UBA52: variants seen among roughly 807,000 people sequenced by gnomAD.
The protein encoded by UBA52 is ubiquitin A-52 residue ribosomal protein fusion product 1.
A neutral mutation model predicts 15.3 loss-of-function variants in UBA52; 1 was observed. That is an observed-to-expected ratio of 0.07 (90% confidence interval 0.02 to 0.31). UBA52 has a LOEUF of 0.31. UBA52 is among the 10% of genes least tolerant of loss of function. UBA52 has a pLI of 1.00. For synonymous variants in UBA52, 50 were observed against 58.3 expected, an observed-to-expected ratio of 0.86 and a Z score of 0.65; for missense variants, 87 against 168.0, an observed-to-expected ratio of 0.52 and a Z score of 2.66.
In UBA52 at chr19:18,575,204, C is replaced by T. The variant is rs1410130147; in HGVS notation, c.*54C>T. ...CTGCCCAGGCCCCGTGGCCCTGGAG[C>T]CTCAATAAAGTGTCCCTTTCATTGA... On this transcript the variant is annotated 3_prime_UTR_variant, in exon 5 of 5. Transcript: ENST00000442744. 1 of 1,604,838 alleles carries T rather than the reference C, an allele frequency of 6.2e-7. No individual in the cohort carries two copies. Among genetic ancestry groups the T allele is most frequent in the Non-Finnish European group, 8.5e-7 (1 of 1,173,800 alleles).
intron 1 of UBA52, chr19:18,572,803 AGGAGAGAGGCT>A: frequency 9.9e-7 from 1 of 1,007,440 alleles, no homozygotes; most frequent in Admixed American, 5.2e-5. Context: ...GGAGTTAGAG[AGGAGAGAGGCT>A]GCGACAGGAA....
the UBA52 span, among the ~76,000 whole-genome samples, chr19:18,566,384 C>T: frequency 8.2e-6 from 1 of 122,390 alleles, no homozygotes; most frequent in Admixed American, 8.6e-5. Context: ...AGGAGAATGG[C>T]ATGAACCCAG....
Position 18,575,981 on chromosome 19 carries a change from T to G in UBA52, c.*831T>G, listed in dbSNP as rs541052038. 3 of 152,380 alleles carry G rather than the reference T, an allele frequency of 2.0e-5. No homozygotes were observed. Among genetic ancestry groups the G allele is most frequent in the Admixed American group, 1.3e-4 (2 of 15,284 alleles). The allele number at this position is 152,380 out of a possible 1,614,324, so 9.4% of individuals were successfully genotyped here. ...CAGGTTGGTCTCGATCTCCTGACCT[T>G]GTGATCCATTCGCCTTGGCCTCCCA... On this transcript the variant is annotated 3_prime_UTR_variant, in exon 5 of 5. Coordinates refer to ENST00000442744, the MANE Select transcript of UBA52 (RefSeq NM_001033930.3).
intron 3 of UBA52, 60 bp from the exon 4 acceptor site, chr19:18,574,810 C>T: frequency 6.3e-7 from 1 of 1,598,592 alleles, no homozygotes; most frequent in Non-Finnish European, 8.5e-7. Flanking sequence ...AGGGTCCTGC[C>T]CCTGTGACTG....
intron 3 of UBA52, among the ~76,000 whole-genome samples, chr19:18,574,142 G>T (rs1975654088): frequency 6.6e-6 from 1 of 151,520 alleles, no homozygotes; most frequent in Non-Finnish European, 1.5e-5. Flanking sequence ...AAATTAGCTA[G>T]GCATGGTGGT....
chr19:18,570,495 C>G (rs1975440526), upstream of UBA52, among the ~76,000 whole-genome samples: 1 of 150,222 alleles, frequency 6.7e-6, no homozygotes, highest in Non-Finnish European at 1.5e-5. Flanking sequence ...AACCACTGCA[C>G]CCGCCGTGGC....
At chr19:18,571,748 T>C (rs1975487084), upstream of UBA52, 1 of 152,194 alleles carries the variant, frequency 6.6e-6, no homozygotes, top group Admixed American at 6.5e-5. Context: ...GCATCCAAGA[T>C]GGCGGCAGGG....
the UBA52 span, among the ~76,000 whole-genome samples, chr19:18,566,656 G>A: frequency 6.6e-6 from 1 of 152,030 alleles, no homozygotes; most frequent in East Asian, 1.9e-4. Flanking sequence ...AGCTGAGCAT[G>A]GTGGCACGTG....
chr19:18,565,126 TTTA>T, the UBA52 span: 1 of 1,526,896 alleles, frequency 6.5e-7, no homozygotes, highest in Admixed American at 2.0e-5. Context: ...TTCTGTTTGT[TTTA>T]CAAGGCTTCA....
chr19:18,573,577 G>A, intron 2 of UBA52, 85 bp from the exon 3 acceptor site: 1 of 1,463,448 alleles, frequency 6.8e-7, no homozygotes, highest in Non-Finnish European at 9.5e-7. Flanking sequence ...TTGAGAAACT[G>A]GGGGTAGTGC....
At chr19:18,568,265 C>CAAA (rs397859705), upstream of UBA52, 76 of 501,658 alleles carry the variant, frequency 1.5e-4, no homozygotes, top group Middle Eastern at 5.0e-4. Context: ...AACTCCGTCT[C>CAAA]AAAAAAAAAA....
intron 3 of UBA52, among the ~76,000 whole-genome samples, 197 bp from the exon 4 acceptor site, chr19:18,574,673 G>C (rs1187138559): frequency 1.3e-5 from 2 of 152,222 alleles, no homozygotes; most frequent in East Asian, 3.8e-4. Flanking sequence ...CTCGTGGTCA[G>C]TGCTGAGATG....
chr19:18,574,419 G>A (rs1207980385), intron 3 of UBA52, among the ~76,000 whole-genome samples: 2 of 151,640 alleles, frequency 1.3e-5, no homozygotes, highest in Admixed American at 1.3e-4. Context: ...CTCCCGAGTA[G>A]CTGGGATTAC....
At position 18,575,187 on chromosome 19, in the gene UBA52, G is replaced by T; in HGVS notation, c.*37G>T. ...CCTTGAAGGGCAGCCTCCTGCCCAG[G>T]CCCCGTGGCCCTGGAGCCTCAATAA... On this transcript the variant is annotated 3_prime_UTR_variant, in exon 5 of 5. Transcript: ENST00000442744. 2 of 1,611,988 alleles carry T rather than the reference G, an allele frequency of 1.2e-6. No individual in the cohort carries two copies. The highest frequency in any genetic ancestry group is 1.7e-6 in the Non-Finnish European group (2 of 1,178,628).
chr19:18,568,610 C>G, upstream of UBA52: 3 of 1,611,678 alleles, frequency 1.9e-6, no homozygotes, highest in Non-Finnish European at 2.5e-6. Context: ...AGACAGATGA[C>G]GAGGAGATGA....
At chr19:18,567,477 G>T (rs535417652), upstream of UBA52, among the ~76,000 whole-genome samples, 5 of 152,206 alleles carry the variant, frequency 3.3e-5, no homozygotes, top group African/African-American at 7.2e-5. Context: ...ACAGAGCACG[G>T]GCTCATGTGA....
upstream of UBA52, chr19:18,567,266 A>G (rs1007327548): frequency 2.2e-6 from 3 of 1,353,352 alleles, no homozygotes; most frequent in African/African-American, 2.9e-5. Context: ...GGGGCCTGAT[A>G]CTGAGACCAG....
Position 18,575,304 on chromosome 19 carries a change from A to T in UBA52, c.*154A>T. On this transcript the variant is annotated 3_prime_UTR_variant, in exon 5 of 5. Coordinates refer to ENST00000442744, the MANE Select transcript of UBA52 (RefSeq NM_001033930.3). Reference sequence around the variant, plus strand: ...TGAAGAGTGGGCATCTCCCTTAGGGACTCTACTCAGCACTCCATTCTGTGC... The same window carrying T: ...TGAAGAGTGGGCATCTCCCTTAGGGTCTCTACTCAGCACTCCATTCTGTGC... 4.9e-6 allele frequency: 4 copies of T among 823,498 alleles called. No individual in the cohort carries two copies. The South Asian group carries it at 6.7e-5, about 14-fold the overall frequency. The allele number at this position is 823,498 out of a possible 1,614,324, so 51.0% of individuals were successfully genotyped here.
chr19:18,568,621 C>T (rs200331878), upstream of UBA52: 30 of 1,609,334 alleles, frequency 1.9e-5, no homozygotes, highest in African/African-American at 3.1e-4. Flanking sequence ...GAGGAGATGA[C>T]GGGCGAATAG....
Sources: gnomAD v4.1 joint callset for allele counts (sites outside exome capture counted in the v4.1 genomes callset) on GRCh38, gnomAD v4.1.1 for gene constraint, MANE v1.5 for transcripts, NCBI Gene and HGNC (gene_info 2026-07-23, HGNC 2026-07-21) for gene names.